ZNF81: variants seen among roughly 807,000 people sequenced by gnomAD.
ZNF81 encodes the protein zinc finger protein 81.
A neutral mutation model predicts 32.3 loss-of-function variants in ZNF81; 5 were observed. That is an observed-to-expected ratio of 0.15 (90% CI 0.08 to 0.33). ZNF81 has a LOEUF of 0.33. ZNF81 is among the 10% of genes least tolerant of loss of function. ZNF81 has a pLI of 1.00. For missense variants in ZNF81, 379 were observed against 479.8 expected (o/e 0.79, Z 1.96); for synonymous variants, 163 against 166.8 (o/e 0.98, Z 0.17).
At chrX:47,841,955 T>G (rs1301512660) in intron 1 of ZNF81, among the ~76,000 whole-genome samples, 1 of 111,963 alleles carries the variant, frequency 8.9e-6, no homozygotes, top group Non-Finnish European at 1.9e-5. Flanking sequence ...AAACATTTAG[T>G]GCTATAATGT....
chrX:47,907,542 G>GA lies in ZNF81; in HGVS notation c.278-7372dup, dbSNP rs1291012354. 6.6e-5 allele frequency among the ~76,000 whole-genome samples: 7 copies of GA among 106,527 alleles called. 1 individual carries two copies. Among genetic ancestry groups the GA allele is most frequent in the Non-Finnish European group, 9.8e-5 (5 of 51,255 alleles). The allele number at this position is 106,527 out of a possible 115,157, so 92.5% of individuals were successfully genotyped here. A position where few individuals can be genotyped will look rare whatever the true frequency, so the allele number is the denominator to read the frequency against. On this transcript the variant is annotated intron_variant, in intron 4 of 4. Coordinates refer to ENST00000338637, the MANE Select transcript of ZNF81 (RefSeq NM_007137.5). Reference sequence around the variant, plus strand: ...ATTTTTAAATAAAGCATTTTTTGTAGAAAAAAAAAATTGGCCATATAAGTT... The same window carrying GA: ...ATTTTTAAATAAAGCATTTTTTGTAGAAAAAAAAAAATTGGCCATATAAGTT...
At position 47,915,069 on chromosome X, in the gene ZNF81, A is replaced by G. The variant is rs782371526; in HGVS notation, c.423A>G (p.Arg141=). 17 of 1,207,506 alleles carry G rather than the reference A, an allele frequency of 1.4e-5. No homozygotes were observed. In the East Asian group the frequency reaches 3.3e-4, roughly 23 times the overall value. The change falls in exon 5 of 5, where the codon AGA becomes AGG. Residue 141 remains arginine (R), a synonymous_variant. Coordinates refer to ENST00000338637, the MANE Select transcript of ZNF81 (RefSeq NM_007137.5). The part of the protein sequence containing the change: ...ELWQDAEQIK[R]CQEKHNKLLS... ...GGCAAGATGCTGAACAGATAAAGAG[A>G]TGTCAGGAAAAACACAACAAACTTC...
intron 2 of ZNF81, among the ~76,000 whole-genome samples, chrX:47,884,836 A>G (rs782082189): frequency 8.9e-6 from 1 of 111,823 alleles, no homozygotes; most frequent in Non-Finnish European, 1.9e-5. Flanking sequence ...AAATACTACC[A>G]CTTTGGACTG....
At position 47,920,010 on chromosome X, in the gene ZNF81, G is replaced by A. The variant is rs1485417213; in HGVS notation, c.*3378G>A. On this transcript the variant is annotated 3_prime_UTR_variant, in exon 5 of 5. Transcript: ENST00000338637. Reference sequence around the variant, plus strand: ...TGTTGTATGTAGGACAGTAGAAACTGAGGTAAATAGTAATTATTCCTGGAA... The same window carrying A: ...TGTTGTATGTAGGACAGTAGAAACTAAGGTAAATAGTAATTATTCCTGGAA... 8.9e-6 allele frequency: 1 copy of A among 111,829 alleles called. No homozygotes were observed. Among genetic ancestry groups the A allele is most frequent in the Admixed American group, 9.5e-5 (1 of 10,563 alleles). 9.2% of individuals were successfully genotyped at this position (111,829 alleles called of 1,213,427 possible). A position where few individuals can be genotyped will look rare whatever the true frequency, so the allele number is the denominator to read the frequency against.
At chrX:47,889,697 G>A (rs1473086599) in intron 3 of ZNF81, among the ~76,000 whole-genome samples, 1 of 112,335 alleles carries the variant, frequency 8.9e-6, no homozygotes, top group Non-Finnish European at 1.9e-5. Context: ...TCTGCAGGCT[G>A]TAAAGGAAGC....
chrX:47,847,653 G>A (rs182610569), intron 2 of ZNF81, among the ~76,000 whole-genome samples: 103 of 111,744 alleles, frequency 9.2e-4, no homozygotes, highest in African/African-American at 3.3e-3. Context: ...GGTCAGATCT[G>A]TTTCCTGGAG....
chrX:47,847,211 G>A (rs1556880621), intron 2 of ZNF81, among the ~76,000 whole-genome samples: 1 of 111,668 alleles, frequency 9.0e-6, no homozygotes, highest in African/African-American at 3.3e-5. Context: ...ACCTCATGAA[G>A]TAGGTGCCAT....
chrX:47,894,211 G>A (rs1192356597), intron 3 of ZNF81, among the ~76,000 whole-genome samples: 2 of 111,336 alleles, frequency 1.8e-5, no homozygotes, highest in African/African-American at 6.5e-5. Context: ...AGGGGTAAAG[G>A]GGGATTGTTA....
intron 1 of ZNF81, among the ~76,000 whole-genome samples, chrX:47,838,288 C>T (rs2058433093): frequency 2.7e-5 from 3 of 111,729 alleles, no homozygotes; most frequent in Admixed American, 9.5e-5. Flanking sequence ...TCTTTCTTTC[C>T]AATCTTTATA....
chrX:47,840,893 T>A, intron 1 of ZNF81: 1 of 434,689 alleles, frequency 2.3e-6, no homozygotes, highest in South Asian at 3.4e-5. Context: ...TTGATAAAAA[T>A]TCCCCCCAAA....
intron 2 of ZNF81, among the ~76,000 whole-genome samples, chrX:47,870,825 A>C (rs1196029376): frequency 4.5e-5 from 5 of 112,202 alleles, no homozygotes; most frequent in African/African-American, 1.6e-4. Context: ...GAATAAATTC[A>C]TCTTTTTGGT....
At chrX:47,913,963 A>T (rs781964916) in intron 4 of ZNF81, among the ~76,000 whole-genome samples, 4 of 111,653 alleles carry the variant, frequency 3.6e-5, no homozygotes, top group African/African-American at 1.3e-4. Context: ...GTTATATTTA[A>T]TATTTAGGCA....
In ZNF81 at chrX:47,888,054, A is replaced by T. The variant is rs1603197796; in HGVS notation, c.110A>T (p.Gln37Leu). The change falls in exon 3 of 5, where the codon CAA becomes CTA. Residue 37 changes from glutamine (Q) to leucine (L), a missense_variant. By Grantham distance (113) the Gln-to-Leu change is moderately radical. Around this residue, in one of 2 missense-constraint regions of ZNF81, gnomAD observed 277 missense variants for 306.6 expected, o/e 0.90. Transcript: ENST00000338637. Reference sequence around the variant, plus strand: ...GACTTCAGTAGAGAGGAGTGGCAGCAACTGGACTCTACTCAAAGACGCCTG... The same window carrying T: ...GACTTCAGTAGAGAGGAGTGGCAGCTACTGGACTCTACTCAAAGACGCCTG... ...TVDFSREEWQ[Q>L]LDSTQRRLYQ... The T allele has an allele frequency of 8.3e-7, 1 of 1,210,807 alleles. No homozygotes were observed. Among genetic ancestry groups the T allele is most frequent in the East Asian group, 3.0e-5 (1 of 33,814 alleles).
At chrX:47,914,463 A>T (rs1402263519) in intron 4 of ZNF81, among the ~76,000 whole-genome samples, 1 of 111,914 alleles carries the variant, frequency 8.9e-6, no homozygotes, top group Non-Finnish European at 1.9e-5. Context: ...TACCTTTTCT[A>T]TGTTTAGATA....
At chrX:47,856,048 CAAA>C (rs61300154) in intron 2 of ZNF81, among the ~76,000 whole-genome samples, 4 of 48,684 alleles carry the variant, frequency 8.2e-5, no homozygotes, top group African/African-American at 2.9e-4. Flanking sequence ...GACTCTGCCT[CAAA>C]AAAAAAAAAA....
At chrX:47,891,822 C>T (rs904260673) in intron 3 of ZNF81, among the ~76,000 whole-genome samples, 3 of 111,984 alleles carry the variant, frequency 2.7e-5, no homozygotes, top group Non-Finnish European at 5.6e-5. Context: ...ATTCTTTTTT[C>T]CCAATACATA....
chrX:47,880,502 C>T lies in ZNF81; in HGVS notation c.55-7497C>T, dbSNP rs781896688. ...GTGCTGGAATTACAGGCATGAGTCA[C>T]TGCACCTGGCCTCGTGATCATTGCT... On this transcript the variant is annotated intron_variant, in intron 2 of 4. Coordinates refer to ENST00000338637, the MANE Select transcript of ZNF81 (RefSeq NM_007137.5). Among the ~76,000 whole-genome samples the T allele has an allele frequency of 4.2e-4, 47 of 112,684 alleles. No homozygotes were observed. The South Asian group carries it at 0.016, about 39-fold the overall frequency.
At chrX:47,892,878 G>C (rs2058667216) in intron 3 of ZNF81, among the ~76,000 whole-genome samples, 1 of 112,516 alleles carries the variant, frequency 8.9e-6, no homozygotes, top group Non-Finnish European at 1.9e-5. Flanking sequence ...AAGCAAAGAA[G>C]GGTGGTGAGC....
chrX:47,887,009 G>A (rs781848959), intron 2 of ZNF81, among the ~76,000 whole-genome samples: 15 of 112,082 alleles, frequency 1.3e-4, no homozygotes, highest in South Asian at 3.7e-4. Context: ...GGTGTGAGGC[G>A]TGGGTCAAGG....
Sources: allele counts gnomAD v4.1 joint callset (sites outside exome capture counted in the v4.1 genomes callset), GRCh38; gene constraint gnomAD v4.1.1; regional missense constraint gnomAD v4.1.1; transcripts MANE v1.5; gene names NCBI Gene and HGNC (gene_info 2026-07-23, HGNC 2026-07-21).